AGTPBP1: variants seen among roughly 807,000 people sequenced by gnomAD.
The protein encoded by AGTPBP1 is ATP/GTP binding carboxypeptidase 1, also known as cytosolic carboxypeptidase 1.
A neutral mutation model predicts 143.9 loss-of-function variants in AGTPBP1; 70 were observed. That is an observed-to-expected ratio of 0.49 (90% CI 0.40 to 0.59). The LOEUF is 0.59. AGTPBP1 is among the 20% of genes least tolerant of loss of function. The pLI, the probability that AGTPBP1 is intolerant of heterozygous loss-of-function variation, is 0.00. For missense variants in AGTPBP1, 1,229 were observed against 1,464.5 expected (o/e 0.84, Z 2.62); for synonymous variants, 463 against 500.2 (o/e 0.93, Z 0.99).
At chr9:85,662,481 G>T (rs1833905683) in intron 8 of AGTPBP1, among the ~76,000 whole-genome samples, 1 of 152,022 alleles carries the variant, frequency 6.6e-6, no homozygotes, top group Non-Finnish European at 1.5e-5. Flanking sequence ...ATGTACAGGA[G>T]AATATAAAAC....
intron 13 of AGTPBP1, among the ~76,000 whole-genome samples, chr9:85,636,137 A>C (rs1168557444): frequency 6.6e-6 from 1 of 152,154 alleles, no homozygotes; most frequent in Admixed American, 6.5e-5. Flanking sequence ...AACCAAAAGA[A>C]ACATTAGATA....
chr9:85,576,558 T>A (rs1280807410), intron 24 of AGTPBP1, among the ~76,000 whole-genome samples: 2 of 152,210 alleles, frequency 1.3e-5, no homozygotes, highest in African/African-American at 4.8e-5. Flanking sequence ...AGAAAGGTTA[T>A]ACATGTTTCT....
chr9:85,791,742 T>A, the AGTPBP1 span, among the ~76,000 whole-genome samples: 15 of 152,194 alleles, frequency 9.9e-5, no homozygotes, highest in African/African-American at 3.4e-4. Context: ...TTTTTTATAC[T>A]GGTTTTTATT....
chr9:85,571,742 C>T (rs1250194034), intron 25 of AGTPBP1, among the ~76,000 whole-genome samples: 2 of 152,076 alleles, frequency 1.3e-5, no homozygotes, highest in South Asian at 2.1e-4. Flanking sequence ...GATAGTCTTG[C>T]CAAAGATGCA....
chr9:85,662,443 T>C (rs1238531380), intron 8 of AGTPBP1, among the ~76,000 whole-genome samples: 1 of 152,172 alleles, frequency 6.6e-6, no homozygotes, highest in Non-Finnish European at 1.5e-5. Flanking sequence ...TAAGAAACTT[T>C]CCATACTTTT....
intron 11 of AGTPBP1, among the ~76,000 whole-genome samples, chr9:85,647,035 T>C (rs532319438): frequency 6.6e-6 from 1 of 152,164 alleles, no homozygotes; most frequent in East Asian, 1.9e-4. Flanking sequence ...CCCAGCACTT[T>C]GGGAGGCCAA....
At chr9:85,627,600 A>G (rs10123770) in intron 14 of AGTPBP1, among the ~76,000 whole-genome samples, 37,094 of 151,842 alleles carry the variant, frequency 0.24, 5,124 homozygotes, top group East Asian at 0.53. Flanking sequence ...AACTCAGTTG[A>G]CCCCTGAACA....
At chr9:85,706,190 G>C (rs572958120) in intron 2 of AGTPBP1, among the ~76,000 whole-genome samples, 1 of 151,636 alleles carries the variant, frequency 6.6e-6, no homozygotes, top group Non-Finnish European at 1.5e-5. Context: ...AAGAAAAGGA[G>C]GAAGAAGAGA....
At chr9:85,586,784 T>G (rs777927517) in intron 22 of AGTPBP1, 47 bp downstream of exon 22, 8 of 1,581,198 alleles carry the variant, frequency 5.1e-6, no homozygotes, top group Non-Finnish European at 6.9e-6. Context: ...TTAAAAATGA[T>G]ATTTTATCTT....
intron 2 of AGTPBP1, among the ~76,000 whole-genome samples, chr9:85,702,659 CTT>C (rs370857631): frequency 7.0e-6 from 1 of 143,390 alleles, no homozygotes. Flanking sequence ...GTCTCTCTCT[CTT>C]TTTTTTTTTT....
chr9:85,635,068 C>G (rs1011158814), intron 13 of AGTPBP1, among the ~76,000 whole-genome samples: 1 of 152,100 alleles, frequency 6.6e-6, no homozygotes, highest in African/African-American at 2.4e-5. Context: ...TAATCAGTCG[C>G]AATTCTTCAT....
intron 12 of AGTPBP1, among the ~76,000 whole-genome samples, chr9:85,645,858 CAAT>C (rs1480756451): frequency 3.3e-5 from 5 of 152,142 alleles, no homozygotes; most frequent in Admixed American, 1.3e-4. Flanking sequence ...TATATTTTCT[CAAT>C]AATACTTTTT....
rs193036324 is a variant in AGTPBP1 at position 85,642,584 on chromosome 9, G to A, written c.1302+243C>T. ...CCTGACCTCGTGATCCACATACCTC[G>A]GCCTCCCAAAGTGCTGGGATTACAG... On this transcript the variant is annotated intron_variant, in intron 13 of 25. Coordinates refer to ENST00000357081, the MANE Select transcript of AGTPBP1 (RefSeq NM_001330701.2). 9.3e-5 allele frequency among the ~76,000 whole-genome samples: 14 copies of A among 151,208 alleles called. 1 individual carries two copies. The South Asian group carries it at 2.3e-3, about 25-fold the overall frequency.
chr9:85,792,842 T>C, the AGTPBP1 span, among the ~76,000 whole-genome samples: 539 of 152,310 alleles, frequency 3.5e-3, no homozygotes, highest in African/African-American at 0.012. Flanking sequence ...GATTAAATTA[T>C]AAGTAGGTTT....
At chr9:85,641,002 C>A (rs1400819517) in intron 13 of AGTPBP1, among the ~76,000 whole-genome samples, 2 of 152,110 alleles carry the variant, frequency 1.3e-5, no homozygotes, top group Non-Finnish European at 2.9e-5. Flanking sequence ...GAGTAGCATA[C>A]CACCATGGTC....
chr9:85,786,596 A>G, the AGTPBP1 span: 1 of 1,601,552 alleles, frequency 6.2e-7, no homozygotes, highest in Non-Finnish European at 8.5e-7. Flanking sequence ...GAATAATAGA[A>G]CTTTTAGTAG....
At chr9:85,600,983 C>T (rs1409709337) in intron 17 of AGTPBP1, among the ~76,000 whole-genome samples, 1 of 152,184 alleles carries the variant, frequency 6.6e-6, no homozygotes, top group African/African-American at 2.4e-5. Flanking sequence ...GCCACCACCA[C>T]TGCTGATTGC....
chr9:85,773,349 T>TTTTTG, the AGTPBP1 span, among the ~76,000 whole-genome samples: 1 of 129,728 alleles, frequency 7.7e-6, no homozygotes, highest in African/African-American at 3.6e-5. Context: ...TTTTTTTTTT[T>TTTTTG]TGCGGCGGAG....
chr9:85,778,140 C>A, the AGTPBP1 span, among the ~76,000 whole-genome samples: 1 of 152,146 alleles, frequency 6.6e-6, no homozygotes. Flanking sequence ...ACCTTCAGGA[C>A]CTGCTTGAGC....
Sources: allele counts gnomAD v4.1 joint callset (sites outside exome capture counted in the v4.1 genomes callset), GRCh38; gene constraint gnomAD v4.1.1; transcripts MANE v1.5; gene names NCBI Gene and HGNC (gene_info 2026-07-23, HGNC 2026-07-21).